Variants in TIAM1 observed in about 807,000 individuals in gnomAD.
TIAM1 encodes the protein TIAM Rac1 associated GEF 1.
In TIAM1, 65 loss-of-function variants were observed where a neutral mutation model predicts 163.5. The observed-to-expected ratio is 0.40, with a 90% CI of 0.33 to 0.49. TIAM1 has a LOEUF of 0.49. TIAM1 is among the 20% of genes least tolerant of loss of function. The probability of loss-of-function intolerance (pLI) is 0.77; values close to 1 mark genes in which losing one functional copy is unlikely to be tolerated. For synonymous variants in TIAM1, 833 were observed against 810.1 expected (o/e 1.03, Z -0.48); for missense variants, 1,789 against 2,044.7 (o/e 0.87, Z 2.41).
intron 2 of TIAM1, among the ~76,000 whole-genome samples, chr21:31,413,863 A>G (rs186684457): frequency 1.4e-3 from 214 of 152,218 alleles, no homozygotes; most frequent in African/African-American, 4.7e-3. Flanking sequence ...CCAGTCCCAA[A>G]GCTGTGAGTG....
chr21:31,371,647 T>C (rs906498113), intron 2 of TIAM1, among the ~76,000 whole-genome samples: 1 of 152,224 alleles, frequency 6.6e-6, no homozygotes, highest in Non-Finnish European at 1.5e-5. Flanking sequence ...ACTTGGGTCA[T>C]GATATTCCTG....
Position 31,152,753 on chromosome 21 carries a change from C to T in TIAM1, c.3249G>A (p.Val1083=), listed in dbSNP as rs754116612. ...CCATTTCCGTTAAATTTCCAAAAAGCACGTCAAGCTAGAAATAAAACAGAA... is the reference window on the plus strand; with the variant it reads ...CCATTTCCGTTAAATTTCCAAAAAGTACGTCAAGCTAGAAATAAAACAGAA... ...ETFLTQDELD[V]LFGNLTEMVE... The change falls in exon 19 of 28, where the codon GTG becomes GTA. Residue 1083 remains valine, a synonymous_variant. Coordinates refer to ENST00000541036, the MANE Select transcript of TIAM1 (RefSeq NM_001353694.2). 8.7e-6 allele frequency: 14 copies of T among 1,614,008 alleles called. No homozygotes were observed. The highest frequency in any genetic ancestry group is 9.3e-6 in the Non-Finnish European group (11 of 1,179,982).
At chr21:31,163,614 C>T (rs184928457) in intron 16 of TIAM1, among the ~76,000 whole-genome samples, 6 of 152,152 alleles carry the variant, frequency 3.9e-5, no homozygotes, top group African/African-American at 1.2e-4. Flanking sequence ...TATGTGCACA[C>T]AAGAAAGTCC....
chr21:31,242,779 T>C (rs1359667742), intron 6 of TIAM1, among the ~76,000 whole-genome samples: 2 of 136,882 alleles, frequency 1.5e-5, no homozygotes, highest in African/African-American at 5.5e-5. Flanking sequence ...TAGTAGTCAA[T>C]AGAACCTGTC....
At chr21:31,553,341 T>C (rs897797705) in intron 1 of TIAM1, among the ~76,000 whole-genome samples, 16 of 152,138 alleles carry the variant, frequency 1.1e-4, no homozygotes, top group African/African-American at 3.4e-4. Flanking sequence ...TCCAAAGATA[T>C]CCTGTGTCCT....
At chr21:31,198,729 G>T (rs748014851) in intron 12 of TIAM1, among the ~76,000 whole-genome samples, 2 of 152,154 alleles carry the variant, frequency 1.3e-5, no homozygotes, top group African/African-American at 2.4e-5. Flanking sequence ...GATCTAGTGG[G>T]ACTAGAGCTT....
intron 1 of TIAM1, among the ~76,000 whole-genome samples, chr21:31,490,123 A>C (rs1483907463): frequency 6.6e-6 from 1 of 152,226 alleles, no homozygotes; most frequent in Non-Finnish European, 1.5e-5. Flanking sequence ...TACTGTATGC[A>C]GAGGTGCCCA....
At chr21:31,504,363 T>G (rs1486908408) in intron 1 of TIAM1, among the ~76,000 whole-genome samples, 1 of 152,188 alleles carries the variant, frequency 6.6e-6, no homozygotes, top group Non-Finnish European at 1.5e-5. Context: ...GGGTAATTCA[T>G]TCCCCGATAC....
chr21:31,367,027 A>G (rs922130164), intron 2 of TIAM1, among the ~76,000 whole-genome samples: 6 of 152,112 alleles, frequency 3.9e-5, no homozygotes, highest in Admixed American at 3.9e-4. Flanking sequence ...ATGACTCATG[A>G]GTATTCAGAT....
At chr21:31,521,484 C>T (rs1474330728) in intron 1 of TIAM1, among the ~76,000 whole-genome samples, 1 of 152,006 alleles carries the variant, frequency 6.6e-6, no homozygotes, top group African/African-American at 2.4e-5. Flanking sequence ...ACCTGTAATC[C>T]CAGTGATTTG....
intron 1 of TIAM1, among the ~76,000 whole-genome samples, chr21:31,469,061 C>A (rs1262856718): frequency 6.7e-6 from 1 of 150,194 alleles, no homozygotes; most frequent in Non-Finnish European, 1.5e-5. Flanking sequence ...CCTCCTGCTG[C>A]CCCAGTGGAA....
chr21:31,374,667 T>A (rs1178960487), intron 2 of TIAM1, among the ~76,000 whole-genome samples: 2 of 152,178 alleles, frequency 1.3e-5, no homozygotes, highest in African/African-American at 4.8e-5. Context: ...TGCAAAGAAG[T>A]TCATCCCATC....
chr21:31,197,875 G>A (rs1022066089), intron 12 of TIAM1, among the ~76,000 whole-genome samples: 3 of 152,054 alleles, frequency 2.0e-5, no homozygotes, highest in African/African-American at 7.2e-5. Flanking sequence ...AGGTCTCACT[G>A]GCTCTAGAGC....
intron 2 of TIAM1, among the ~76,000 whole-genome samples, chr21:31,284,581 C>A (rs1365308568): frequency 1.3e-5 from 2 of 152,028 alleles, no homozygotes; most frequent in Admixed American, 6.5e-5. Flanking sequence ...TGCAGTGGTG[C>A]GATCTTGGCT....
At chr21:31,339,532 C>T (rs568196314) in intron 1 of TIAM1, 110 bp from the exon 2 acceptor site, 222 of 396,696 alleles carry the variant, frequency 5.6e-4, no homozygotes, top group Non-Finnish European at 7.6e-4. Flanking sequence ...AGGAAAAGTA[C>T]CTTACATGTT....
chr21:31,461,581 C>G (rs1037913568), intron 2 of TIAM1, among the ~76,000 whole-genome samples: 4 of 152,160 alleles, frequency 2.6e-5, no homozygotes, highest in African/African-American at 7.2e-5. Flanking sequence ...TTAGTGTGAG[C>G]CTACCCATGC....
intron 2 of TIAM1, among the ~76,000 whole-genome samples, chr21:31,332,208 A>T (rs1393153570): frequency 6.6e-6 from 1 of 152,206 alleles, no homozygotes; most frequent in African/African-American, 2.4e-5. Flanking sequence ...AAAATACAAC[A>T]CCAAAAATAT....
At chr21:31,362,545 C>T (rs1009101108) in intron 2 of TIAM1, among the ~76,000 whole-genome samples, 8 of 151,814 alleles carry the variant, frequency 5.3e-5, no homozygotes, top group African/African-American at 1.9e-4. Flanking sequence ...TGGCTCACTG[C>T]AACATCTAGC....
chr21:31,467,334 T>TTAAAAAA (rs2147363944), intron 1 of TIAM1, among the ~76,000 whole-genome samples: 1 of 151,646 alleles, frequency 6.6e-6, no homozygotes, highest in Admixed American at 6.6e-5. Flanking sequence ...TCCCTGTTTC[T>TTAAAAAA]TAAAAAATAA....
Sources: allele counts gnomAD v4.1 joint callset (sites outside exome capture counted in the v4.1 genomes callset), GRCh38; gene constraint gnomAD v4.1.1; transcripts MANE v1.5; gene names NCBI Gene and HGNC (gene_info 2026-07-23, HGNC 2026-07-21).